Variants in TCF20 observed in about 807,000 individuals in gnomAD.
The protein encoded by TCF20 is SPRE-binding protein.
A neutral mutation model predicts 148.6 loss-of-function variants in TCF20; 3 were observed. That is an observed-to-expected ratio of 0.02 (90% CI 0.01 to 0.05). The LOEUF (loss-of-function observed/expected upper bound fraction) is 0.05. Among genes scored for constraint, TCF20 ranks in the 10% least tolerant of loss-of-function variants. The probability of loss-of-function intolerance (pLI) is 1.00; values close to 1 mark genes in which losing one functional copy is unlikely to be tolerated. For missense variants in TCF20, 2,350 were observed against 2,429.3 expected, an observed-to-expected ratio of 0.97 and a Z score of 0.69; for synonymous variants, 1,049 against 909.5, an observed-to-expected ratio of 1.15 and a Z score of -2.76.
At chr22:42,281,664 G>T (rs1926905215) in intron 1 of TCF20, among the ~76,000 whole-genome samples, 1 of 152,234 alleles carries the variant, frequency 6.6e-6, no homozygotes, top group African/African-American at 2.4e-5. Flanking sequence ...AGACCTCACA[G>T]GGGTACTCAG....
intron 2 of TCF20, among the ~76,000 whole-genome samples, chr22:42,192,902 G>T (rs1301984131): frequency 6.6e-6 from 1 of 152,136 alleles, no homozygotes; most frequent in Non-Finnish European, 1.5e-5. Context: ...ATTGATTTTT[G>T]CATTTCTCAA....
chr22:42,318,117 G>A (rs1193080952), intron 1 of TCF20, among the ~76,000 whole-genome samples: 3 of 152,248 alleles, frequency 2.0e-5, no homozygotes, highest in Non-Finnish European at 2.9e-5. Context: ...CACAGGCCCC[G>A]CCCTGCTCGC....
chr22:42,189,524 G>A (rs1369238929), intron 2 of TCF20, among the ~76,000 whole-genome samples: 1 of 152,188 alleles, frequency 6.6e-6, no homozygotes, highest in Non-Finnish European at 1.5e-5. Context: ...TAGAACACAG[G>A]CTATCTTCCT....
intron 3 of TCF20, among the ~76,000 whole-genome samples, chr22:42,179,056 A>T (rs965710955): frequency 6.6e-6 from 1 of 150,804 alleles, no homozygotes; most frequent in African/African-American, 2.4e-5. Flanking sequence ...AAAAAAAAAG[A>T]AACACATATG....
upstream of TCF20, among the ~76,000 whole-genome samples, chr22:42,287,304 C>T (rs906256047): frequency 5.3e-5 from 8 of 152,056 alleles, no homozygotes; most frequent in South Asian, 4.1e-4. Context: ...GAAACCAGAA[C>T]GTCTGAGCTG....
At chr22:42,165,260 CA>C (rs1390063037) in intron 5 of TCF20, among the ~76,000 whole-genome samples, 2 of 152,242 alleles carry the variant, frequency 1.3e-5, no homozygotes, top group African/African-American at 4.8e-5. Context: ...GCTCCAGGGG[CA>C]GGGGGGCCAC....
intron 1 of TCF20, among the ~76,000 whole-genome samples, chr22:42,277,285 A>G (rs967998612): frequency 6.6e-6 from 1 of 152,336 alleles, no homozygotes. Flanking sequence ...CCCTTATGAC[A>G]AGCATTGATC....
At chr22:42,204,475 A>G (rs902075247) in intron 2 of TCF20, among the ~76,000 whole-genome samples, 1 of 151,700 alleles carries the variant, frequency 6.6e-6, no homozygotes, top group African/African-American at 2.4e-5. Context: ...AGCCTGGACA[A>G]CAGAGTGAGA....
At chr22:42,191,325 T>C (rs1937322496) in intron 2 of TCF20, among the ~76,000 whole-genome samples, 1 of 152,226 alleles carries the variant, frequency 6.6e-6, no homozygotes. Context: ...AGTCTCACTC[T>C]GTTGCCCAGG....
At chr22:42,263,015 C>T (rs926787770) in intron 1 of TCF20, among the ~76,000 whole-genome samples, 1 of 152,154 alleles carries the variant, frequency 6.6e-6, no homozygotes. Context: ...AGCTACCATT[C>T]TGAGTGCCAC....
intron 1 of TCF20, among the ~76,000 whole-genome samples, chr22:42,215,598 G>T (rs1235275299): frequency 1.3e-5 from 2 of 152,014 alleles, no homozygotes; most frequent in African/African-American, 4.8e-5. Context: ...AGCCTCCCGA[G>T]TAGCTGGGAC....
intron 1 of TCF20, among the ~76,000 whole-genome samples, chr22:42,291,282 G>T (rs1044146379): frequency 6.6e-6 from 1 of 152,202 alleles, no homozygotes; most frequent in Non-Finnish European, 1.5e-5. Context: ...ACCAATGACC[G>T]CGGTCCAGCC....
intron 1 of TCF20, among the ~76,000 whole-genome samples, chr22:42,246,424 C>A (rs955263426): frequency 1.3e-5 from 2 of 152,176 alleles, no homozygotes; most frequent in African/African-American, 4.8e-5. Flanking sequence ...ATACTTAATT[C>A]TTTACCTACA....
rs1435148564 is a variant in TCF20, at chr22:42,214,121, A to T, written c.1185T>A (p.Asn395Lys). ...TPSPLMQTGENLQCGQGSVPM... is the reference protein window; with the variant it reads ...TPSPLMQTGEKLQCGQGSVPM... ...GCACACTGCCTTGCCCACACTGGAG[A>T]TTCTCCCCAGTCTGCATGAGAGGAG... Residue 395 changes from asparagine to lysine, a missense_variant, in exon 2 of 6, where the codon AAT (asparagine) becomes AAA (lysine). By Grantham distance (94) the Asn-to-Lys change is moderately conservative. Transcript: ENST00000677622. 6.2e-7 allele frequency: 1 copy of T among 1,614,180 alleles called. No individual in the cohort carries two copies. Among genetic ancestry groups the T allele is most frequent in the Admixed American group, 1.7e-5 (1 of 60,016 alleles).
chr22:42,260,579 C>T (rs916388645), intron 1 of TCF20, among the ~76,000 whole-genome samples: 1 of 152,100 alleles, frequency 6.6e-6, no homozygotes, highest in African/African-American at 2.4e-5. Context: ...AATCACAGCT[C>T]GCAGATGCAA....
At position 42,163,706 on chromosome 22, in the gene TCF20, G is replaced by T. The variant is rs570002112; in HGVS notation, c.*45-2348C>A. On this transcript the variant is annotated intron_variant, in intron 5 of 5. Transcript: ENST00000677622. ...ATGGGGTGTGGCTGAGAGACGGCTG[G>T]GTCCCCGACAGTGAGCCTGGGAGCA... Among the ~76,000 whole-genome samples the T allele has an allele frequency of 3.7e-4, 56 of 152,320 alleles. 1 individual carries two copies. The South Asian group carries it at 0.011, about 29-fold the overall frequency.
At position 42,214,486 on chromosome 22, in the gene TCF20, C is replaced by T. The variant is rs779803266; in HGVS notation, c.820G>A (p.Gly274Arg). Residue 274 changes from glycine (G) to arginine (R), a missense_variant, in exon 2 of 6, where the codon GGA becomes AGA. Coordinates refer to ENST00000677622, the MANE Select transcript of TCF20 (RefSeq NM_001378418.1). ...YNVNAGSQYE[G>R]HNVGSNAQAY... is the part of the protein sequence containing the mutation. Reference sequence around the variant, plus strand: ...TGTGCATTAGAACCCACATTGTGTCCTTCATACTGAGATCCAGCATTCACA... The same window carrying T: ...TGTGCATTAGAACCCACATTGTGTCTTTCATACTGAGATCCAGCATTCACA... The T allele has an allele frequency of 1.2e-6, 2 of 1,614,166 alleles. No homozygotes were observed. The highest frequency in any genetic ancestry group is 1.7e-6 in the Non-Finnish European group (2 of 1,180,036).
rs1030888725 is a variant in TCF20 at position 42,317,472 on chromosome 22, A to G, written c.-37+26007T>C. On this transcript the variant is annotated intron_variant, in intron 1 of 1. Transcript: ENST00000515426. The surrounding 1 kb of genome is among the most constrained non-coding windows in gnomAD (Gnocchi z 4.2). The stretch of plus-strand genomic sequence containing the variant: ...TTCCTCCCACTATGTCTGGCCCACC[A>G]AGCCCACCTAGGCCCTTCCCCAGTG... 8.5e-5 allele frequency among the ~76,000 whole-genome samples: 13 copies of G among 152,142 alleles called. No individual in the cohort carries two copies. The highest frequency in any genetic ancestry group is 1.8e-4 in the Non-Finnish European group (12 of 68,028).
chr22:42,207,076 G>C (rs1379083653), intron 2 of TCF20, among the ~76,000 whole-genome samples: 1 of 152,136 alleles, frequency 6.6e-6, no homozygotes, highest in Non-Finnish European at 1.5e-5. Flanking sequence ...ACAGAGCTTG[G>C]GGAGGCCTCA....
Sources: allele counts gnomAD v4.1 joint callset (sites outside exome capture counted in the v4.1 genomes callset), GRCh38; gene constraint gnomAD v4.1.1; non-coding constraint Gnocchi (gnomAD v3.1); transcripts MANE v1.5; gene names NCBI Gene and HGNC (gene_info 2026-07-23, HGNC 2026-07-21).